OSBPL10: variants seen among roughly 807,000 people sequenced by gnomAD.
OSBPL10 encodes oxysterol-binding protein-related protein 10.
In OSBPL10, 49 loss-of-function variants were observed where a neutral mutation model predicts 81.7. The ratio of observed to expected loss-of-function variants is 0.60; its 90% CI spans 0.48 to 0.76. OSBPL10 has a LOEUF of 0.76. OSBPL10 is among the 30% of genes least tolerant of loss of function. The probability of loss-of-function intolerance (pLI) is 0.00; values close to 1 mark genes in which losing one functional copy is unlikely to be tolerated. For synonymous variants in OSBPL10, 419 were observed against 383.6 expected (o/e 1.09, Z -1.08); for missense variants, 923 against 987.8 (o/e 0.93, Z 0.88).
chr3:31,829,897 G>T, intron 4 of OSBPL10, 143 bp downstream of exon 4: 1 of 785,278 alleles, frequency 1.3e-6, no homozygotes. Context: ...AGGAAGGACC[G>T]TCACAGCCGT....
chr3:31,755,177 C>T (rs1279186218), intron 4 of OSBPL10, among the ~76,000 whole-genome samples: 1 of 152,166 alleles, frequency 6.6e-6, no homozygotes, highest in South Asian at 2.1e-4. Context: ...ATGGAGTTTC[C>T]AGCCTTCCAG....
intron 4 of OSBPL10, among the ~76,000 whole-genome samples, chr3:31,780,128 T>TA (rs1384037584): frequency 2.6e-5 from 4 of 151,944 alleles, no homozygotes; most frequent in Admixed American, 2.6e-4. Context: ...CCTTCTCTAC[T>TA]AAAAATACAA....
intron 5 of OSBPL10, among the ~76,000 whole-genome samples, chr3:31,746,810 C>T (rs113669436): frequency 2.6e-4 from 32 of 122,030 alleles, no homozygotes; most frequent in African/African-American, 9.6e-4. Flanking sequence ...ACATCACACT[C>T]CGGGGACTGT....
At chr3:32,009,865 GTC>G (rs1210139955) in intron 2 of OSBPL10, among the ~76,000 whole-genome samples, 1 of 152,150 alleles carries the variant, frequency 6.6e-6, no homozygotes, top group Non-Finnish European at 1.5e-5. Context: ...TGTCAGTCAT[GTC>G]TCTGCGAGTA....
chr3:31,934,146 C>G (rs1447491941), intron 1 of OSBPL10, among the ~76,000 whole-genome samples: 1 of 147,958 alleles, frequency 6.8e-6, no homozygotes, highest in Non-Finnish European at 1.5e-5. Flanking sequence ...AAACTAATTA[C>G]AAAGGCTTTT....
upstream of OSBPL10, among the ~76,000 whole-genome samples, chr3:31,982,227 CT>C (rs780808127): frequency 6.6e-5 from 10 of 152,186 alleles, no homozygotes; most frequent in Non-Finnish European, 1.3e-4. Context: ...GCTGTAACTT[CT>C]GCGCCCCTCT....
In OSBPL10 at chr3:31,879,802, T is replaced by A; in HGVS notation, c.310A>T (p.Ile104Phe). 1 of 1,614,098 alleles carries A rather than the reference T, an allele frequency of 6.2e-7. No individual in the cohort carries two copies. The change falls in exon 2 of 12, where the codon ATC becomes TTC. Residue 104 changes from isoleucine (I) to phenylalanine (F), a missense_variant. Around this residue, in one of 3 missense-constraint regions of OSBPL10, gnomAD observed 514 missense variants for 508.0 expected, o/e 1.01. Coordinates refer to ENST00000396556, the MANE Select transcript of OSBPL10 (RefSeq NM_017784.5). ...TGCTCATTCACAAAATACTGCAGGA[T>A]GCCAGCCTCGAAATCCAGTACGAAG... is the stretch of plus-strand genomic sequence containing the variant. The part of the protein sequence containing the change: ...RYFVLDFEAG[I>F]LQYFVNEQSK...
intron 1 of OSBPL10, among the ~76,000 whole-genome samples, chr3:31,917,391 GA>G (rs1696788302): frequency 6.6e-6 from 1 of 151,662 alleles, no homozygotes; most frequent in African/African-American, 2.4e-5. Context: ...CTTGACTAGA[GA>G]AAAAAAGTAC....
chr3:31,870,465 C>A (rs183291490), intron 3 of OSBPL10, among the ~76,000 whole-genome samples: 1 of 152,382 alleles, frequency 6.6e-6, no homozygotes, highest in Non-Finnish European at 1.5e-5. Flanking sequence ...CCATAGCACC[C>A]AGTCCTATCA....
At chr3:31,746,204 T>G (rs2125693753) in intron 5 of OSBPL10, among the ~76,000 whole-genome samples, 1 of 152,328 alleles carries the variant, frequency 6.6e-6, no homozygotes, top group Admixed American at 6.5e-5. Context: ...GATTAACAAC[T>G]AGAAATACTC....
intron 8 of OSBPL10, among the ~76,000 whole-genome samples, chr3:31,683,411 G>C (rs1190182127): frequency 6.6e-6 from 1 of 152,194 alleles, no homozygotes; most frequent in African/African-American, 2.4e-5. Flanking sequence ...GGTCCAGGTG[G>C]GCGGCTGTCA....
intron 3 of OSBPL10, among the ~76,000 whole-genome samples, chr3:31,855,143 G>A (rs941301152): frequency 6.6e-5 from 10 of 151,972 alleles, no homozygotes; most frequent in South Asian, 2.1e-4. Context: ...CTTCCACCTC[G>A]GCCTCCTAAG....
At chr3:31,799,189 AT>A (rs11303146) in intron 4 of OSBPL10, among the ~76,000 whole-genome samples, 2,005 of 152,016 alleles carry the variant, frequency 0.013, 46 homozygotes, top group African/African-American at 0.046. Context: ...TCTGCCAAGC[AT>A]TTTCCCTCTC....
At chr3:31,708,837 G>C in intron 6 of OSBPL10, 1 of 985,412 alleles carries the variant, frequency 1.0e-6, no homozygotes, top group Non-Finnish European at 1.2e-6. Context: ...CTGAAAGGGT[G>C]GATGTTCCAC....
At chr3:31,695,988 C>A (rs1270980591) in intron 7 of OSBPL10, among the ~76,000 whole-genome samples, 1 of 152,098 alleles carries the variant, frequency 6.6e-6, no homozygotes, top group East Asian at 1.9e-4. Context: ...GAGGAAGGTA[C>A]AATTATCAAC....
intron 1 of OSBPL10, chr3:32,066,391 T>TCC (rs1699780701): frequency 3.0e-5 from 1 of 33,294 alleles, no homozygotes; most frequent in African/African-American, 4.8e-5. Context: ...TCTCCACTTG[T>TCC]CCTTGTTGGA....
chr3:31,719,794 A>G (rs1696576702), intron 6 of OSBPL10, among the ~76,000 whole-genome samples: 1 of 152,066 alleles, frequency 6.6e-6, no homozygotes, highest in African/African-American at 2.4e-5. Flanking sequence ...ATAATGAAAA[A>G]CTGGACAACC....
At chr3:31,671,101 C>T in intron 8 of OSBPL10, 118 bp from the exon 9 acceptor site, 1 of 993,320 alleles carries the variant, frequency 1.0e-6, no homozygotes, top group Admixed American at 2.8e-5. Flanking sequence ...CATCTCCCAC[C>T]TCTGCAGAGG....
rs183278847 is a variant in OSBPL10, at chr3:31,934,613, C to T, written c.281+46286G>A. On this transcript the variant is annotated intron_variant, in intron 1 of 11. Transcript: ENST00000396556. ...GTAAAGATGGGGTTTCACCATGTTT[C>T]CCAAGCTGGTCTCAAACTCCTGACC... Among the ~76,000 whole-genome samples the T allele has an allele frequency of 5.0e-3, 762 of 151,942 alleles. 4 individuals carry two copies. The highest frequency in any genetic ancestry group is 8.6e-3 in the Non-Finnish European group (584 of 67,946).
Sources: allele counts gnomAD v4.1 joint callset (sites outside exome capture counted in the v4.1 genomes callset), GRCh38; gene constraint gnomAD v4.1.1; regional missense constraint gnomAD v4.1.1; transcripts MANE v1.5; gene names NCBI Gene and HGNC (gene_info 2026-07-23, HGNC 2026-07-21).